PP2D1: variants seen among roughly 807,000 people sequenced by gnomAD.
The protein encoded by PP2D1 is protein phosphatase 2C-like domain-containing protein 1.
A neutral mutation model predicts 30.2 loss-of-function variants in PP2D1; 25 were observed. The observed-to-expected ratio is 0.83, with a 90% CI of 0.60 to 1.16. PP2D1 has a LOEUF of 1.16. Among genes scored for constraint, PP2D1 ranks in the 50% most tolerant of loss-of-function variants. PP2D1 has a pLI of 0.00. For synonymous variants in PP2D1, 260 were observed against 258.9 expected, an observed-to-expected ratio of 1.00 and a Z score of -0.04; for missense variants, 760 against 742.4, an observed-to-expected ratio of 1.02 and a Z score of -0.28.
chr3:20,006,471 C>G (rs1697319502), intron 1 of PP2D1, among the ~76,000 whole-genome samples: 1 of 152,050 alleles, frequency 6.6e-6, no homozygotes, highest in African/African-American at 2.4e-5. Flanking sequence ...TGCTTAGGTC[C>G]CTGATATAAA....
At chr3:19,988,441 C>T (rs1697071652) in intron 2 of PP2D1, among the ~76,000 whole-genome samples, 1 of 152,148 alleles carries the variant, frequency 6.6e-6, no homozygotes, top group Non-Finnish European at 1.5e-5. Flanking sequence ...AAATTTTAGA[C>T]CTGTTGTCTG....
chr3:19,991,680 G>A (rs1173442503), intron 2 of PP2D1, among the ~76,000 whole-genome samples: 1 of 152,106 alleles, frequency 6.6e-6, no homozygotes, highest in Non-Finnish European at 1.5e-5. Context: ...ATTTCACTAA[G>A]TAACAGGTTT....
intron 2 of PP2D1, 34 bp from the exon 3 acceptor site, chr3:19,986,216 A>T: frequency 1.4e-6 from 2 of 1,385,216 alleles, no homozygotes; most frequent in South Asian, 3.1e-5. Flanking sequence ...AGAAATTTTT[A>T]TCCTAGAGAT....
chr3:20,005,975 A>G (rs1697313848), intron 1 of PP2D1, among the ~76,000 whole-genome samples: 1 of 152,172 alleles, frequency 6.6e-6, no homozygotes, highest in Non-Finnish European at 1.5e-5. Flanking sequence ...GGCCCTGTGC[A>G]GTGGCTCACG....
chr3:19,987,348 C>T (rs947482490), intron 2 of PP2D1, among the ~76,000 whole-genome samples: 17 of 151,994 alleles, frequency 1.1e-4, no homozygotes, highest in East Asian at 1.9e-4. Flanking sequence ...AATATAATTA[C>T]GTATTTTTTA....
chr3:20,002,189 T>C (rs1331052991), intron 1 of PP2D1, 93 bp from the exon 2 acceptor site: 1 of 758,132 alleles, frequency 1.3e-6, no homozygotes. Context: ...ATTTGGCTCC[T>C]CACAATCTTA....
chr3:19,997,567 G>A (rs567073419), intron 2 of PP2D1, among the ~76,000 whole-genome samples: 19 of 152,222 alleles, frequency 1.2e-4, no homozygotes, highest in Admixed American at 2.6e-4. Context: ...GCACCCCCAC[G>A]TTTTATGCAG....
rs1275932236 is a variant in PP2D1 at position 19,988,109 on chromosome 3, T to C, written c.1091-1927A>G. Reference sequence around the variant, plus strand: ...ATAAACCATGTGTGTTTAAACAATATGAAATCTGGACACCTTGAAAAAAGA... The same window carrying C: ...ATAAACCATGTGTGTTTAAACAATACGAAATCTGGACACCTTGAAAAAAGA... On this transcript the variant is annotated intron_variant, in intron 2 of 2. Transcript: ENST00000389050. 2.0e-5 allele frequency among the ~76,000 whole-genome samples: 3 copies of C among 152,184 alleles called. No individual in the cohort carries two copies. The South Asian group carries it at 6.2e-4, about 32-fold the overall frequency.
chr3:20,005,087 G>C (rs775723731), intron 1 of PP2D1, among the ~76,000 whole-genome samples: 2 of 152,014 alleles, frequency 1.3e-5, no homozygotes, highest in Admixed American at 6.6e-5. Flanking sequence ...CTCCAGCGTG[G>C]GCTACAGATC....
chr3:19,980,953 C>T (rs1438588448), downstream of PP2D1, among the ~76,000 whole-genome samples: 1 of 152,118 alleles, frequency 6.6e-6, no homozygotes, highest in East Asian at 1.9e-4. Context: ...ATAAAAGGTT[C>T]ACAATGCAAC....
chr3:19,986,110 G>C lies in PP2D1; in HGVS notation c.1163C>G (p.Thr388Arg). 6.5e-7 allele frequency: 1 copy of C among 1,535,838 alleles called. No homozygotes were observed. Among genetic ancestry groups the C allele is most frequent in the Non-Finnish European group, 8.7e-7 (1 of 1,146,782 alleles). Residue 388 changes from threonine (T) to arginine (R), a missense_variant, in exon 3 of 3, where the codon ACA becomes AGA. Thr to Arg is a moderately conservative substitution (Grantham distance 71). Coordinates refer to ENST00000389050, the MANE Select transcript of PP2D1 (RefSeq NM_001252657.2). ...CLTKEHTTRNTNERRRILQNG... is the reference protein window; with the variant it reads ...CLTKEHTTRNRNERRRILQNG... Reference sequence around the variant, plus strand: ...CTGAAGTATTCTTCTTCTTTCATTTGTGTTTCGTGTAGTATGTTCTTTGGT... The same window carrying C: ...CTGAAGTATTCTTCTTCTTTCATTTCTGTTTCGTGTAGTATGTTCTTTGGT...
In PP2D1 at chr3:19,985,830, G is replaced by A. The variant is rs758660545; in HGVS notation, c.1443C>T (p.Tyr481=). 1.3e-6 allele frequency: 2 copies of A among 1,536,046 alleles called. No homozygotes were observed. The highest frequency in any genetic ancestry group is 1.4e-5 in the African/African-American group (1 of 73,060). The change falls in exon 3 of 3, where the codon TAC becomes TAT. Residue 481 remains tyrosine, a synonymous_variant. Coordinates refer to ENST00000389050, the MANE Select transcript of PP2D1 (RefSeq NM_001252657.2). ...MTTFHMYKET[Y]CPIIPNKSPS... ...GTGATTTGTTAGGTATGATAGGACAGTATGTTTCTTTATACATGTGAAATG... is the reference window on the plus strand; with the variant it reads ...GTGATTTGTTAGGTATGATAGGACAATATGTTTCTTTATACATGTGAAATG...
chr3:19,999,083 T>TC, intron 2 of PP2D1, among the ~76,000 whole-genome samples: 1 of 148,696 alleles, frequency 6.7e-6, no homozygotes, highest in East Asian at 2.0e-4. Context: ...TGTCTAGACT[T>TC]TTTTTTTTTT....
Position 20,001,731 on chromosome 3 carries a change from C to T in PP2D1, c.389G>A (p.Ser130Asn). The change falls in exon 2 of 3, where the codon AGC (serine) becomes AAC (asparagine). Residue 130 changes from serine (S) to asparagine (N), a missense_variant. Physicochemically the swap from Ser to Asn is conservative, Grantham distance 46. Transcript: ENST00000389050. ...AAGCAGCTCAAAAGCATTATTAATG[C>T]TCTGTAGGGTTTTTTCAGTGAACAT... is the stretch of plus-strand genomic sequence containing the variant. ...SFMFTEKTLQSINNAFELLWK... is the reference protein window; with the variant it reads ...SFMFTEKTLQNINNAFELLWK... 7 of 1,531,752 alleles carry T rather than the reference C, an allele frequency of 4.6e-6. No homozygotes were observed. The highest frequency in any genetic ancestry group is 6.1e-6 in the Non-Finnish European group (7 of 1,145,276). 94.9% of individuals were successfully genotyped at this position (1,531,752 alleles called of 1,614,324 possible). A position where few individuals can be genotyped will look rare whatever the true frequency, so the allele number is the denominator to read the frequency against.
At chr3:20,007,219 T>C (rs767932121) in intron 1 of PP2D1, among the ~76,000 whole-genome samples, 1 of 152,160 alleles carries the variant, frequency 6.6e-6, no homozygotes, top group Non-Finnish European at 1.5e-5. Flanking sequence ...ACATAATCAA[T>C]GTAAATGCTA....
At chr3:19,997,363 C>A (rs1265072228) in intron 2 of PP2D1, among the ~76,000 whole-genome samples, 1 of 151,618 alleles carries the variant, frequency 6.6e-6, no homozygotes, top group Non-Finnish European at 1.5e-5. Context: ...GATAAAAATT[C>A]TCAACAAATT....
In PP2D1 at chr3:20,012,045, T is replaced by C; in HGVS notation, c.23+5A>G. On this transcript the variant is annotated splice_donor_5th_base_variant and intron_variant, in intron 1 of 2. Transcript: ENST00000389050. ...ATTATCCAAAAAAGATTTAAGAAAG[T>C]TTACCTTAAAGCATTATTGGTGCTC... The C allele has an allele frequency of 6.5e-7, 1 of 1,530,152 alleles. No homozygotes were observed. Among genetic ancestry groups the C allele is most frequent in the Non-Finnish European group, 8.8e-7 (1 of 1,142,304 alleles). The allele number at this position is 1,530,152 out of a possible 1,614,324, so 94.8% of individuals were successfully genotyped here.
chr3:19,984,011 C>A, downstream of PP2D1: 1 of 541,076 alleles, frequency 1.8e-6, no homozygotes, highest in South Asian at 2.2e-5. Flanking sequence ...GTCCCTCTCA[C>A]TAATGTTTCA....
In PP2D1 at chr3:20,001,724, A is replaced by G. The variant is rs1697256115; in HGVS notation, c.396T>C (p.Asn132=). Residue 132 remains asparagine (N), a synonymous_variant, in exon 2 of 3, where the codon AAT becomes AAC. Coordinates refer to ENST00000389050, the MANE Select transcript of PP2D1 (RefSeq NM_001252657.2). ...MFTEKTLQSI[N]NAFELLWKKQ... ...TTTTCCAAAGCAGCTCAAAAGCATT[A>G]TTAATGCTCTGTAGGGTTTTTTCAG... 6.5e-7 allele frequency: 1 copy of G among 1,532,746 alleles called. No homozygotes were observed. The highest frequency in any genetic ancestry group is 8.7e-7 in the Non-Finnish European group (1 of 1,145,530). The allele number at this position is 1,532,746 out of a possible 1,614,324, so 94.9% of individuals were successfully genotyped here. A position where few individuals can be genotyped will look rare whatever the true frequency, so the allele number is the denominator to read the frequency against.
Sources: allele counts gnomAD v4.1 joint callset (sites outside exome capture counted in the v4.1 genomes callset), GRCh38; gene constraint gnomAD v4.1.1; transcripts MANE v1.5; gene names NCBI Gene and HGNC (gene_info 2026-07-23, HGNC 2026-07-21).